CALN1: variants seen among roughly 807,000 people sequenced by gnomAD.
The protein encoded by CALN1 is calneuron 1, also known as calcium-binding protein 8.
A neutral mutation model predicts 30.6 loss-of-function variants in CALN1; 17 were observed. The ratio of observed to expected loss-of-function variants is 0.56; its 90% CI spans 0.38 to 0.83. The LOEUF (loss-of-function observed/expected upper bound fraction) is 0.83, where lower values mean the gene tolerates loss of function less well. Among genes scored for constraint, CALN1 ranks in the 40% least tolerant of loss-of-function variants. The probability of loss-of-function intolerance (pLI) is 0.00; values close to 1 mark genes in which losing one functional copy is unlikely to be tolerated. For synonymous variants in CALN1, 156 were observed against 131.4 expected, an observed-to-expected ratio of 1.19 and a Z score of -1.28; for missense variants, 291 against 354.9, an observed-to-expected ratio of 0.82 and a Z score of 1.45.
At chr7:72,074,853 C>A (rs1023107335) in intron 4 of CALN1, among the ~76,000 whole-genome samples, 3 of 152,190 alleles carry the variant, frequency 2.0e-5, no homozygotes, top group Admixed American at 2.0e-4. Flanking sequence ...AGGCTGGGAA[C>A]CTGGGGAACC....
At chr7:72,143,871 A>C (rs941031024) in intron 3 of CALN1, among the ~76,000 whole-genome samples, 1 of 152,196 alleles carries the variant, frequency 6.6e-6, no homozygotes, top group Non-Finnish European at 1.5e-5. Context: ...TATCCAGCCA[A>C]ACTAAGCTTC....
intron 2 of CALN1, among the ~76,000 whole-genome samples, chr7:72,339,767 A>AG (rs1802296438): frequency 6.6e-6 from 1 of 152,194 alleles, no homozygotes; most frequent in Non-Finnish European, 1.5e-5. Flanking sequence ...GAGCTTGTGC[A>AG]GGGGGAACTC....
At chr7:72,022,969 CTGAA>C (rs1800794112) in intron 5 of CALN1, among the ~76,000 whole-genome samples, 1 of 149,326 alleles carries the variant, frequency 6.7e-6, no homozygotes. Context: ...CATGCTGTGT[CTGAA>C]TGGCGTTTTA....
chr7:71,979,946 C>T (rs1315776865), intron 5 of CALN1, among the ~76,000 whole-genome samples: 1 of 134,652 alleles, frequency 7.4e-6, no homozygotes, highest in Non-Finnish European at 1.5e-5. Flanking sequence ...GGTACAATCT[C>T]TGCTCACTGC....
chr7:71,819,560 ACAC>A (rs1584291883), intron 5 of CALN1, among the ~76,000 whole-genome samples: 2 of 152,158 alleles, frequency 1.3e-5, no homozygotes, highest in Non-Finnish European at 2.9e-5. Flanking sequence ...TGTCATACAA[ACAC>A]CACAATTACT....
At chr7:72,302,452 T>C (rs1799337689) in intron 2 of CALN1, among the ~76,000 whole-genome samples, 1 of 152,148 alleles carries the variant, frequency 6.6e-6, no homozygotes, top group African/African-American at 2.4e-5. Context: ...GAAAAACTAA[T>C]TTACACCCAG....
In CALN1 at chr7:71,912,822, G is replaced by A. The variant is rs974716375; in HGVS notation, c.502-102330C>T. 3.3e-5 allele frequency among the ~76,000 whole-genome samples: 5 copies of A among 152,150 alleles called. No homozygotes were observed. The South Asian group carries it at 1.0e-3, about 32-fold the overall frequency. ...CCTAAACTATTGATCTGGCAGTACT[G>A]AGTTTGGTTTTCAGTATTCAGTTCC... On this transcript the variant is annotated intron_variant, in intron 5 of 6. Transcript: ENST00000395275.
chr7:71,808,066 T>G (rs572377376), intron 6 of CALN1, among the ~76,000 whole-genome samples: 28 of 152,164 alleles, frequency 1.8e-4, no homozygotes, highest in African/African-American at 6.7e-4. Flanking sequence ...ACAGTGAGAC[T>G]TTGTCTCAAA....
At chr7:72,349,831 T>G (rs1436819184) in intron 2 of CALN1, among the ~76,000 whole-genome samples, 1 of 152,206 alleles carries the variant, frequency 6.6e-6, no homozygotes, top group Non-Finnish European at 1.5e-5. Flanking sequence ...AGATTCTGGA[T>G]ATTAGCCCTT....
intron 4 of CALN1, among the ~76,000 whole-genome samples, chr7:72,043,462 T>A (rs1802259276): frequency 6.6e-6 from 1 of 152,180 alleles, no homozygotes. Context: ...AAATATCAGT[T>A]AACCATAGCA....
intron 5 of CALN1, among the ~76,000 whole-genome samples, chr7:71,921,068 A>G (rs1041308232): frequency 6.6e-6 from 1 of 152,216 alleles, no homozygotes; most frequent in African/African-American, 2.4e-5. Flanking sequence ...ATATGGATGA[A>G]GCTGGAAACC....
intron 1 of CALN1, among the ~76,000 whole-genome samples, chr7:72,430,391 C>T (rs995105799): frequency 1.3e-5 from 2 of 150,910 alleles, no homozygotes; most frequent in South Asian, 2.1e-4. Flanking sequence ...ATTTGTAATA[C>T]GATACACCAG....
At chr7:72,168,315 G>C (rs565580877) in intron 3 of CALN1, among the ~76,000 whole-genome samples, 1 of 152,064 alleles carries the variant, frequency 6.6e-6, no homozygotes, top group African/African-American at 2.4e-5. Context: ...TCTATAATCT[G>C]TAGGGTGGAG....
intron 2 of CALN1, among the ~76,000 whole-genome samples, chr7:72,384,889 T>C (rs1306732922): frequency 6.6e-6 from 1 of 152,088 alleles, no homozygotes; most frequent in Admixed American, 6.5e-5. Flanking sequence ...GAGAAAAATA[T>C]TTGAGAACGC....
intron 3 of CALN1, among the ~76,000 whole-genome samples, chr7:72,230,090 G>A (rs1351029004): frequency 3.3e-5 from 5 of 151,868 alleles, no homozygotes; most frequent in African/African-American, 4.8e-5. Flanking sequence ...GCAGTGAGCC[G>A]AGACTGCACC....
intron 2 of CALN1, among the ~76,000 whole-genome samples, chr7:72,323,278 C>T (rs1801021715): frequency 6.6e-6 from 1 of 152,008 alleles, no homozygotes; most frequent in Non-Finnish European, 1.5e-5. Context: ...CCCACGCTAC[C>T]AGGCATCTCA....
At chr7:72,370,953 C>T (rs1279262649) in intron 2 of CALN1, among the ~76,000 whole-genome samples, 5 of 148,130 alleles carry the variant, frequency 3.4e-5, no homozygotes, top group Non-Finnish European at 5.9e-5. Flanking sequence ...GAGGCTGAGG[C>T]ATGAGAATCA....
intron 5 of CALN1, among the ~76,000 whole-genome samples, chr7:71,996,166 C>T (rs1799242806): frequency 6.6e-6 from 1 of 152,050 alleles, no homozygotes; most frequent in African/African-American, 2.4e-5. Flanking sequence ...GGTGACTAAA[C>T]CTAAACATGA....
intron 3 of CALN1, among the ~76,000 whole-genome samples, chr7:72,232,625 A>G (rs1256990431): frequency 6.6e-6 from 1 of 151,656 alleles, no homozygotes; most frequent in Admixed American, 6.6e-5. Flanking sequence ...CATGCTGGCT[A>G]ATTATTATAT....
Sources: gnomAD v4.1 joint callset for allele counts (sites outside exome capture counted in the v4.1 genomes callset) on GRCh38, gnomAD v4.1.1 for gene constraint, MANE v1.5 for transcripts, NCBI Gene and HGNC (gene_info 2026-07-23, HGNC 2026-07-21) for gene names.